Variants in LRRK2 observed in about 807,000 individuals in gnomAD.
LRRK2 encodes leucine-rich repeat serine/threonine-protein kinase 2.
A neutral mutation model predicts 302.6 loss-of-function variants in LRRK2; 203 were observed. That is an observed-to-expected ratio of 0.67 (90% CI 0.60 to 0.75). The LOEUF (loss-of-function observed/expected upper bound fraction) is 0.75. Among genes scored for constraint, LRRK2 ranks in the 30% least tolerant of loss-of-function variants. The pLI, the probability that LRRK2 is intolerant of heterozygous loss-of-function variation, is 0.00. For missense variants in LRRK2, 2,830 were observed against 2,951.0 expected (o/e 0.96, Z 0.95); for synonymous variants, 1,066 against 1,031.9 (o/e 1.03, Z -0.63).
At chr12:40,257,189 A>G (rs1942557038) in intron 11 of LRRK2, 59 bp from the exon 12 acceptor site, 1 of 1,249,974 alleles carries the variant, frequency 8.0e-7, no homozygotes, top group African/African-American at 1.5e-5. Context: ...TCTAAAGCTT[A>G]TGGTAAAATT....
chr12:40,352,806 G>A (rs1323832814), intron 44 of LRRK2, among the ~76,000 whole-genome samples: 1 of 151,934 alleles, frequency 6.6e-6, no homozygotes, highest in Non-Finnish European at 1.5e-5. Context: ...AGCATCCCAA[G>A]GCAGAAGAAT....
chr12:40,249,002 G>A (rs768626998), intron 7 of LRRK2, among the ~76,000 whole-genome samples: 2 of 152,186 alleles, frequency 1.3e-5, no homozygotes, highest in Non-Finnish European at 2.9e-5. Flanking sequence ...TTGTGAGGCC[G>A]TTGATGAATA....
intron 12 of LRRK2, among the ~76,000 whole-genome samples, chr12:40,258,085 G>A (rs529475931): frequency 6.6e-6 from 1 of 152,262 alleles, no homozygotes; most frequent in East Asian, 1.9e-4. Context: ...GTTCCTCATT[G>A]ATAAAGAGGA....
chr12:40,232,426 A>G, intron 3 of LRRK2, 43 bp downstream of exon 3: 1 of 1,399,970 alleles, frequency 7.1e-7, no homozygotes, highest in Non-Finnish European at 1.0e-6. Flanking sequence ...TTGAGTATTT[A>G]TTTGTACACA....
At chr12:40,357,213 T>C (rs567890859) in intron 46 of LRRK2, among the ~76,000 whole-genome samples, 20 of 152,350 alleles carry the variant, frequency 1.3e-4, no homozygotes, top group Admixed American at 8.5e-4. Context: ...GCTTGGCTTA[T>C]TTCACTTAAC....
At chr12:40,333,796 C>T (rs11834950) in intron 39 of LRRK2, among the ~76,000 whole-genome samples, 24,618 of 152,054 alleles carry the variant, frequency 0.16, 2,339 homozygotes, top group African/African-American at 0.25. Flanking sequence ...GGCAAGACTT[C>T]AGCCATGTGA....
At chr12:40,319,203 A>G (rs983116914) in intron 33 of LRRK2, among the ~76,000 whole-genome samples, 2 of 152,112 alleles carry the variant, frequency 1.3e-5, no homozygotes, top group Non-Finnish European at 2.9e-5. Context: ...TACTTTGCGT[A>G]CTTTACATGT....
At chr12:40,337,586 C>G (rs968379879) in intron 40 of LRRK2, among the ~76,000 whole-genome samples, 1 of 152,150 alleles carries the variant, frequency 6.6e-6, no homozygotes, top group Non-Finnish European at 1.5e-5. Flanking sequence ...AGGTCCTTGA[C>G]TCTATTTTAC....
At chr12:40,359,100 AAG>A (rs1381765721) in intron 46 of LRRK2, among the ~76,000 whole-genome samples, 158 bp from the exon 47 acceptor site, 4 of 152,010 alleles carry the variant, frequency 2.6e-5, no homozygotes, top group Admixed American at 1.3e-4. Flanking sequence ...TATCAGAACT[AAG>A]AGTTTTTTTT....
intron 39 of LRRK2, among the ~76,000 whole-genome samples, chr12:40,331,023 C>T (rs1945697638): frequency 6.6e-6 from 1 of 152,114 alleles, no homozygotes; most frequent in Non-Finnish European, 1.5e-5. Flanking sequence ...TGTTTCTGTT[C>T]ATGTCAATTA....
Position 40,364,794 on chromosome 12 carries a change from ATC to A in LRRK2, c.7182-44_7182-43del, listed in dbSNP as rs141417326. 2,579 of 1,342,442 alleles carry A rather than the reference ATC, an allele frequency of 1.9e-3. 46 individuals carry two copies. The African/African-American group carries it at 0.034, about 17-fold the overall frequency. The allele number at this position is 1,342,442 out of a possible 1,614,324, so 83.2% of individuals were successfully genotyped here. On this transcript the variant is annotated intron_variant, in intron 48 of 50. Coordinates refer to ENST00000298910, the MANE Select transcript of LRRK2 (RefSeq NM_198578.4). The stretch of plus-strand genomic sequence containing the variant: ...ATGTTATCATATGTAAATAGCATTT[ATC>A]TCTTAATTGGTGGTAAAATTATTAA...
chr12:40,305,721 T>G (rs1944793862), intron 27 of LRRK2, 64 bp from the exon 28 acceptor site: 1 of 1,427,328 alleles, frequency 7.0e-7, no homozygotes, highest in African/African-American at 1.4e-5. Context: ...TCTTATCACG[T>G]TTTTTGGCAG....
chr12:40,225,090 C>G lies in LRRK2; in HGVS notation c.-42C>G. 2 of 1,611,658 alleles carry G rather than the reference C, an allele frequency of 1.2e-6. No individual in the cohort carries two copies. Among genetic ancestry groups the G allele is most frequent in the Non-Finnish European group, 1.7e-6 (2 of 1,179,556 alleles). On this transcript the variant is annotated 5_prime_UTR_variant, in exon 1 of 51. Transcript: ENST00000298910. ...CCCTGCCGGTTCCCTGAGCAGCGGA[C>G]GTTCATGCTGGGAGGGCGGCGGGTT...
rs368274118 is a variant in LRRK2, at chr12:40,340,351, T to C, written c.6006T>C (p.Leu2002=). ...YRDLKPHNVL[L]FTLYPNAAII... is the part of the protein sequence containing the mutation. ...ACCTGAAACCCCACAATGTGCTGCTTTTCACACTGTATCCCAATGCTGCCA... is the reference window on the plus strand; with the variant it reads ...ACCTGAAACCCCACAATGTGCTGCTCTTCACACTGTATCCCAATGCTGCCA... The change falls in exon 41 of 51, where the codon CTT becomes CTC. Residue 2002 remains leucine, a synonymous_variant. Coordinates refer to ENST00000298910, the MANE Select transcript of LRRK2 (RefSeq NM_198578.4). 7 of 1,613,758 alleles carry C rather than the reference T, an allele frequency of 4.3e-6. No homozygotes were observed. The African/African-American group carries it at 8.0e-5, about 18-fold the overall frequency.
At chr12:40,253,865 A>T (rs1942387032) in intron 11 of LRRK2, among the ~76,000 whole-genome samples, 1 of 152,172 alleles carries the variant, frequency 6.6e-6, no homozygotes, top group South Asian at 2.1e-4. Context: ...TTTCTTGGGA[A>T]AATTTCATAG....
chr12:40,319,641 T>C (rs895102673), intron 33 of LRRK2, among the ~76,000 whole-genome samples: 8 of 152,108 alleles, frequency 5.3e-5, no homozygotes, highest in African/African-American at 1.7e-4. Flanking sequence ...AAGATAATTT[T>C]CCTGGGAATA....
intron 14 of LRRK2, 112 bp from the exon 15 acceptor site, chr12:40,274,471 T>C: frequency 9.1e-7 from 1 of 1,096,794 alleles, no homozygotes; most frequent in Non-Finnish European, 1.3e-6. Context: ...AAATCAAGGA[T>C]ACTGATTTAT....
intron 19 of LRRK2, among the ~76,000 whole-genome samples, chr12:40,285,060 T>C (rs1943864663): frequency 3.9e-5 from 6 of 152,102 alleles, no homozygotes. Context: ...GGCTGAATTT[T>C]CCTCGGTTTC....
intron 47 of LRRK2, among the ~76,000 whole-genome samples, chr12:40,360,506 T>C (rs11564146): frequency 0.11 from 16,498 of 152,054 alleles, 1,811 homozygotes; most frequent in African/African-American, 0.27. Context: ...TGCCATCCAT[T>C]ATCTGTGGCC....
Sources: gnomAD v4.1 joint callset for allele counts (sites outside exome capture counted in the v4.1 genomes callset) on GRCh38, gnomAD v4.1.1 for gene constraint, MANE v1.5 for transcripts, NCBI Gene and HGNC (gene_info 2026-07-23, HGNC 2026-07-21) for gene names.